Variants in OTUD7A observed in about 807,000 individuals in gnomAD.
OTUD7A encodes OTU domain-containing protein 7A.
A neutral mutation model predicts 65.7 loss-of-function variants in OTUD7A; 12 were observed. That is an observed-to-expected ratio of 0.18 (90% CI 0.12 to 0.30). The LOEUF is 0.30. Among genes scored for constraint, OTUD7A ranks in the 10% least tolerant of loss-of-function variants. The pLI is 1.00. For synonymous variants in OTUD7A, 641 were observed against 586.3 expected, an observed-to-expected ratio of 1.09 and a Z score of -1.35; for missense variants, 1,148 against 1,304.8, an observed-to-expected ratio of 0.88 and a Z score of 1.85.
At chr15:31,547,576 G>C (rs1369419988) in intron 5 of OTUD7A, among the ~76,000 whole-genome samples, 1 of 152,082 alleles carries the variant, frequency 6.6e-6, no homozygotes, top group Non-Finnish European at 1.5e-5. Context: ...TAATGACAAT[G>C]CAATAGTGAC....
At chr15:31,808,179 A>T (rs1008288258) in intron 1 of OTUD7A, among the ~76,000 whole-genome samples, 16 of 150,948 alleles carry the variant, frequency 1.1e-4, no homozygotes, top group South Asian at 2.1e-4. Context: ...GGTTTCAACT[A>T]AAACACAACT....
intron 3 of OTUD7A, among the ~76,000 whole-genome samples, chr15:31,570,806 G>C (rs540196739): frequency 5.9e-5 from 9 of 152,016 alleles, no homozygotes; most frequent in Non-Finnish European, 1.2e-4. Flanking sequence ...ACCCCGACAC[G>C]GGGTGCTGGA....
chr15:31,747,040 TG>T (rs1340684988), intron 1 of OTUD7A, among the ~76,000 whole-genome samples: 46 of 152,192 alleles, frequency 3.0e-4, no homozygotes, highest in Admixed American at 2.0e-3. Flanking sequence ...ACCACACAAA[TG>T]TTGAACTATA....
At chr15:31,644,168 G>C (rs887813084) in intron 3 of OTUD7A, among the ~76,000 whole-genome samples, 12 of 151,976 alleles carry the variant, frequency 7.9e-5, no homozygotes, top group African/African-American at 2.9e-4. Flanking sequence ...GCACACCTGG[G>C]GTTTTTCACA....
intron 1 of OTUD7A, among the ~76,000 whole-genome samples, chr15:31,807,942 G>A (rs925553320): frequency 1.2e-4 from 19 of 152,028 alleles, no homozygotes; most frequent in East Asian, 3.9e-4. Context: ...TAATAACCTC[G>A]AGGAAGCTTC....
chr15:31,642,074 G>A (rs1347573901), intron 3 of OTUD7A, among the ~76,000 whole-genome samples: 1 of 152,162 alleles, frequency 6.6e-6, no homozygotes, highest in African/African-American at 2.4e-5. Context: ...ATAAGATTGA[G>A]GAAGTTTTCT....
chr15:31,599,143 C>T (rs1373199685), intron 3 of OTUD7A, among the ~76,000 whole-genome samples: 1 of 152,218 alleles, frequency 6.6e-6, no homozygotes, highest in East Asian at 1.9e-4. Flanking sequence ...CCCAGCACAG[C>T]GTTTGAGTTC....
At chr15:31,528,910 A>C (rs1272690512) in intron 6 of OTUD7A, among the ~76,000 whole-genome samples, 2 of 152,228 alleles carry the variant, frequency 1.3e-5, no homozygotes, top group Non-Finnish European at 2.9e-5. Flanking sequence ...ACAGATTGCT[A>C]TGAGCTCTGG....
At chr15:31,715,515 T>C (rs1035495106) in intron 1 of OTUD7A, among the ~76,000 whole-genome samples, 3 of 150,372 alleles carry the variant, frequency 2.0e-5, no homozygotes, top group Non-Finnish European at 4.4e-5. Context: ...ATTATTTCAC[T>C]GCAGTACCAA....
intron 12 of OTUD7A, among the ~76,000 whole-genome samples, chr15:31,485,980 A>G (rs1310731513): frequency 1.3e-5 from 2 of 152,164 alleles, no homozygotes; most frequent in East Asian, 1.9e-4. Flanking sequence ...GTGAGACACT[A>G]AAGGGTGGAC....
Position 31,484,477 on chromosome 15 carries a change from C to T in OTUD7A, c.1619G>A (p.Gly540Asp). The T allele has an allele frequency of 6.2e-7, 1 of 1,607,202 alleles. No individual in the cohort carries two copies. Among genetic ancestry groups the T allele is most frequent in the Non-Finnish European group, 8.5e-7 (1 of 1,179,928 alleles). Residue 540 changes from glycine to aspartate, a missense_variant, in exon 13 of 13, where the codon GGC becomes GAC. By Grantham distance (94) the Gly-to-Asp change is moderately conservative. Coordinates refer to ENST00000307050, the MANE Select transcript of OTUD7A (RefSeq NM_001382637.1). This position sits in a 1 kb window ranked among gnomAD's most constrained non-coding sequence, Gnocchi z 4.5. ...GCCGTGCACCAGGCCGCCGAGGCCG[C>T]CCATGTTTTTCTTCAGCTTGATGCC... is the stretch of plus-strand genomic sequence containing the variant. Reference protein sequence around the residue: ...TLGIKLKKNMGGLGGLVHGKM... With the variant: ...TLGIKLKKNMDGLGGLVHGKM...
At chr15:31,661,616 A>G (rs1227032412) in intron 1 of OTUD7A, among the ~76,000 whole-genome samples, 1 of 152,192 alleles carries the variant, frequency 6.6e-6, no homozygotes, top group East Asian at 1.9e-4. Flanking sequence ...CTGCTCACAT[A>G]ATTTTGAAGC....
chr15:31,484,440 G>A lies in OTUD7A; in HGVS notation c.1656C>T (p.Arg552=). The change falls in exon 13 of 13, where the codon CGC becomes CGT. Residue 552 remains arginine (R), a synonymous_variant. Coordinates refer to ENST00000307050, the MANE Select transcript of OTUD7A (RefSeq NM_001382637.1). This position sits in a 1 kb window ranked among gnomAD's most constrained non-coding sequence, Gnocchi z 4.5. The stretch of plus-strand genomic sequence containing the variant: ...CGTTCTTGCCATTGGCGGAGTTGGC[G>A]CGGCCCATCTTGCCGTGCACCAGGC... ...LGGLVHGKMG[R]ANSANGKNGD... 6.2e-7 allele frequency: 1 copy of A among 1,603,538 alleles called. No homozygotes were observed. Among genetic ancestry groups the A allele is most frequent in the Non-Finnish European group, 8.5e-7 (1 of 1,179,898 alleles).
rs374659616 is a variant in OTUD7A at position 31,627,970 on chromosome 15, T to A, written c.151+27126A>T. 2.6e-4 allele frequency among the ~76,000 whole-genome samples: 39 copies of A among 152,326 alleles called. No homozygotes were observed. In the South Asian group the frequency reaches 7.2e-3, roughly 28 times the overall value. ...TTTTTTCTTTTAAATTTGTTTGAGT[T>A]CATTGTAGATTCTGGATACTAGCCC... On this transcript the variant is annotated intron_variant, in intron 3 of 12. Transcript: ENST00000307050.
chr15:31,736,081 G>A (rs1424176428), intron 1 of OTUD7A, among the ~76,000 whole-genome samples: 1 of 152,140 alleles, frequency 6.6e-6, no homozygotes, highest in Non-Finnish European at 1.5e-5. Context: ...GTGGGAGGAG[G>A]GAGAGGATCA....
intron 1 of OTUD7A, chr15:31,767,389 T>A (rs1159546146): frequency 2.6e-6 from 2 of 775,228 alleles, no homozygotes; most frequent in Non-Finnish European, 4.8e-6. Flanking sequence ...GTGATTGTTC[T>A]GAATACATGT....
chr15:31,725,762 C>T (rs139647307), intron 1 of OTUD7A, among the ~76,000 whole-genome samples: 3 of 152,284 alleles, frequency 2.0e-5, no homozygotes, highest in Admixed American at 2.0e-4. Context: ...CCAGTGCTTA[C>T]CTCTCCAGTC....
At chr15:31,614,287 A>G (rs1333135399) in intron 3 of OTUD7A, among the ~76,000 whole-genome samples, 1 of 149,018 alleles carries the variant, frequency 6.7e-6, no homozygotes, top group East Asian at 2.0e-4. Context: ...CTGCACCCCA[A>G]TAACCTATGG....
At chr15:31,798,314 C>T (rs1227628055) in intron 1 of OTUD7A, among the ~76,000 whole-genome samples, 2 of 152,024 alleles carry the variant, frequency 1.3e-5, no homozygotes, top group African/African-American at 2.4e-5. Flanking sequence ...AATGCTGTGC[C>T]CGTGAGCTGC....
Sources: allele counts gnomAD v4.1 joint callset (sites outside exome capture counted in the v4.1 genomes callset), GRCh38; gene constraint gnomAD v4.1.1; non-coding constraint Gnocchi (gnomAD v3.1); transcripts MANE v1.5; gene names NCBI Gene and HGNC (gene_info 2026-07-23, HGNC 2026-07-21).